SH3RF3: variants seen among roughly 807,000 people sequenced by gnomAD.
The protein encoded by SH3RF3 is E3 ubiquitin-protein ligase SH3RF3.
SH3RF3 carries 29 observed loss-of-function variants against 66.3 expected under a neutral mutation model. The ratio of observed to expected loss-of-function variants is 0.44; its 90% CI spans 0.33 to 0.60. The LOEUF (loss-of-function observed/expected upper bound fraction) is 0.60, where lower values mean the gene tolerates loss of function less well. SH3RF3 is among the 20% of genes least tolerant of loss of function. The pLI, the probability that SH3RF3 is intolerant of heterozygous loss-of-function variation, is 0.04. For synonymous variants in SH3RF3, 583 were observed against 532.0 expected, an observed-to-expected ratio of 1.10 and a Z score of -1.32; for missense variants, 1,194 against 1,190.9, an observed-to-expected ratio of 1.00 and a Z score of -0.04.
chr2:109,240,178 C>T (rs1367440628), intron 1 of SH3RF3, among the ~76,000 whole-genome samples: 2 of 152,194 alleles, frequency 1.3e-5, no homozygotes, highest in African/African-American at 4.8e-5. Flanking sequence ...CATTTATCAC[C>T]TCTGGGCCTC....
At chr2:109,433,141 G>A (rs1289626837) in intron 6 of SH3RF3, among the ~76,000 whole-genome samples, 1 of 152,244 alleles carries the variant, frequency 6.6e-6, no homozygotes, top group East Asian at 1.9e-4. Flanking sequence ...TAAGCACAAG[G>A]TGTGTGCGTG....
intron 1 of SH3RF3, among the ~76,000 whole-genome samples, chr2:109,249,439 C>A (rs1202971350): frequency 6.6e-6 from 1 of 151,966 alleles, no homozygotes; most frequent in Non-Finnish European, 1.5e-5. Flanking sequence ...TTCCCTCCTG[C>A]ACCAGATCTC....
At chr2:109,292,015 C>G (rs1681195038) in intron 1 of SH3RF3, among the ~76,000 whole-genome samples, 1 of 152,278 alleles carries the variant, frequency 6.6e-6, no homozygotes, top group South Asian at 2.1e-4. Flanking sequence ...AGGCGCACGC[C>G]ACCACGCCCA....
chr2:109,312,212 TA>T (rs1205304280), intron 1 of SH3RF3, among the ~76,000 whole-genome samples: 1 of 152,184 alleles, frequency 6.6e-6, no homozygotes, highest in African/African-American at 2.4e-5. Context: ...CACAGTTTAG[TA>T]AACAAAACAC....
chr2:109,419,916 C>G (rs1203107974), intron 5 of SH3RF3, among the ~76,000 whole-genome samples: 1 of 152,202 alleles, frequency 6.6e-6, no homozygotes, highest in East Asian at 1.9e-4. Flanking sequence ...GGAGAGGAGC[C>G]AGCCATAGTG....
intron 9 of SH3RF3, among the ~76,000 whole-genome samples, chr2:109,495,665 T>C (rs1679241543): frequency 6.6e-6 from 1 of 151,966 alleles, no homozygotes; most frequent in Non-Finnish European, 1.5e-5. Context: ...CTGATTTTTG[T>C]ATTTTTAGTA....
At chr2:109,246,837 T>A (rs1447705341) in intron 1 of SH3RF3, among the ~76,000 whole-genome samples, 1 of 152,152 alleles carries the variant, frequency 6.6e-6, no homozygotes, top group East Asian at 1.9e-4. Flanking sequence ...GTGCTTCTGT[T>A]GTGACAGCGA....
At chr2:109,165,621 AGAGCAC>A (rs1677601653) in intron 1 of SH3RF3, among the ~76,000 whole-genome samples, 1 of 152,220 alleles carries the variant, frequency 6.6e-6, no homozygotes, top group Admixed American at 6.5e-5. Flanking sequence ...ACTCTGCCTT[AGAGCAC>A]TGTGCTGCAC....
At position 109,187,151 on chromosome 2, in the gene SH3RF3, C is replaced by T. The variant is rs772106734; in HGVS notation, c.573+57038C>T. On this transcript the variant is annotated intron_variant, in intron 1 of 9. Coordinates refer to ENST00000309415, the MANE Select transcript of SH3RF3 (RefSeq NM_001099289.3). ...TGAGGGACACAGGACTCTGTCCCCACGGTGCTGACCACTTCGTCGTCATTA... is the reference window on the plus strand; with the variant it reads ...TGAGGGACACAGGACTCTGTCCCCATGGTGCTGACCACTTCGTCGTCATTA... 1.5e-4 allele frequency among the ~76,000 whole-genome samples: 23 copies of T among 152,338 alleles called. No homozygotes were observed. In the Middle Eastern group the frequency reaches 0.01, roughly 68 times the overall value.
chr2:109,186,507 C>T (rs1230605598), intron 1 of SH3RF3, among the ~76,000 whole-genome samples: 1 of 152,186 alleles, frequency 6.6e-6, no homozygotes, highest in African/African-American at 2.4e-5. Context: ...GCATGTAGGG[C>T]CAGTTACCCA....
chr2:109,149,682 C>G (rs1438910410), intron 1 of SH3RF3, among the ~76,000 whole-genome samples: 2 of 152,200 alleles, frequency 1.3e-5, no homozygotes, highest in Non-Finnish European at 2.9e-5. Flanking sequence ...AGCAACGTTG[C>G]AGAGAGCAAG....
intron 1 of SH3RF3, among the ~76,000 whole-genome samples, chr2:109,247,232 C>T (rs1679938528): frequency 6.6e-6 from 1 of 152,206 alleles, no homozygotes. Context: ...CAGATGCCCA[C>T]AGATTATGTG....
At chr2:109,428,527 C>T (rs1677100010) in intron 5 of SH3RF3, among the ~76,000 whole-genome samples, 1 of 152,246 alleles carries the variant, frequency 6.6e-6, no homozygotes, top group Admixed American at 6.5e-5. Context: ...GGCCCCATGC[C>T]TGACTGCACA....
At chr2:109,362,694 C>G (rs1329684457) in intron 2 of SH3RF3, among the ~76,000 whole-genome samples, 1 of 152,140 alleles carries the variant, frequency 6.6e-6, no homozygotes, top group Non-Finnish European at 1.5e-5. Flanking sequence ...AGCTGTAATA[C>G]TGGATTCATC....
chr2:109,189,350 C>T (rs1319441829), intron 1 of SH3RF3, among the ~76,000 whole-genome samples: 8 of 146,338 alleles, frequency 5.5e-5, no homozygotes, highest in African/African-American at 1.5e-4. Context: ...GAGGAACTTA[C>T]GTGTTCAGTC....
At chr2:109,473,795 C>T (rs902791203) in intron 8 of SH3RF3, among the ~76,000 whole-genome samples, 1 of 149,590 alleles carries the variant, frequency 6.7e-6, no homozygotes, top group Non-Finnish European at 1.5e-5. Flanking sequence ...GCCTCTGAGC[C>T]CCCCGTGCAC....
intron 1 of SH3RF3, among the ~76,000 whole-genome samples, chr2:109,309,984 G>A (rs540437570): frequency 8.0e-6 from 1 of 125,666 alleles, no homozygotes; most frequent in Admixed American, 7.8e-5. Flanking sequence ...CTCTGCACCA[G>A]GTGGACCTAA....
intron 1 of SH3RF3, among the ~76,000 whole-genome samples, chr2:109,325,651 A>G (rs947527409): frequency 6.6e-6 from 1 of 152,094 alleles, no homozygotes; most frequent in Non-Finnish European, 1.5e-5. Flanking sequence ...TTCCATTCTC[A>G]GCACTGATCG....
intron 1 of SH3RF3, among the ~76,000 whole-genome samples, chr2:109,198,060 G>A (rs1329753100): frequency 6.6e-6 from 1 of 152,148 alleles, no homozygotes; most frequent in African/African-American, 2.4e-5. Flanking sequence ...CAGTCCCCAT[G>A]CAGTGTGTCA....
Sources: allele counts gnomAD v4.1 joint callset (sites outside exome capture counted in the v4.1 genomes callset), GRCh38; gene constraint gnomAD v4.1.1; transcripts MANE v1.5; gene names NCBI Gene and HGNC (gene_info 2026-07-23, HGNC 2026-07-21).